The following SYT17 variants were observed in gnomAD, a reference collection of about 807,000 sequenced individuals.
SYT17 encodes the protein synaptotagmin-17.
Under a neutral mutation model 46.7 loss-of-function variants are expected in SYT17, and 22 were observed. The ratio of observed to expected loss-of-function variants is 0.47; its 90% CI spans 0.34 to 0.67. The LOEUF (loss-of-function observed/expected upper bound fraction) is 0.67. SYT17 is among the 30% of genes least tolerant of loss of function. The probability of loss-of-function intolerance (pLI) is 0.01; values close to 1 mark genes in which losing one functional copy is unlikely to be tolerated. For synonymous variants in SYT17, 251 were observed against 248.4 expected, an observed-to-expected ratio of 1.01 and a Z score of -0.10; for missense variants, 519 against 612.8, an observed-to-expected ratio of 0.85 and a Z score of 1.62.
At chr16:19,248,109 A>C (rs1057358296) in intron 7 of SYT17, among the ~76,000 whole-genome samples, 1 of 152,230 alleles carries the variant, frequency 6.6e-6, no homozygotes, top group Admixed American at 6.5e-5. Context: ...ATAGCAAAGA[A>C]GCATATGAAA....
At chr16:19,265,881 G>A (rs1466419817) in intron 7 of SYT17, among the ~76,000 whole-genome samples, 2 of 152,168 alleles carry the variant, frequency 1.3e-5, no homozygotes, top group Non-Finnish European at 2.9e-5. Flanking sequence ...CACAACAAGG[G>A]GTGGAAGAAG....
rs1253150098 is a variant in SYT17, at chr16:19,168,664, A to C, written c.15+3A>C. The C allele has an allele frequency of 6.6e-7, 1 of 1,523,636 alleles. No homozygotes were observed. Among genetic ancestry groups the C allele is most frequent in the Admixed American group, 2.0e-5 (1 of 48,922 alleles). The allele number at this position is 1,523,636 out of a possible 1,614,324, so 94.4% of individuals were successfully genotyped here. A position where few individuals can be genotyped will look rare whatever the true frequency, so the allele number is the denominator to read the frequency against. ...GGGCGAAAATGGCGTACATCCAGGT[A>C]GGGCTGAGGCTGGGGGCAAGGTCCG... is the stretch of plus-strand genomic sequence containing the variant. On this transcript the variant is annotated splice_donor_region_variant and intron_variant, in intron 1 of 7. Coordinates refer to ENST00000355377, the MANE Select transcript of SYT17 (RefSeq NM_016524.4). This position sits in a 1 kb window ranked among gnomAD's most constrained non-coding sequence, Gnocchi z 6.9.
intron 5 of SYT17, chr16:19,211,587 A>G: frequency 1.5e-6 from 1 of 647,552 alleles, no homozygotes; most frequent in East Asian, 2.8e-5. Flanking sequence ...TTCCCAGGGA[A>G]TAGCAAGTTC....
At chr16:19,262,512 G>C (rs767466107) in intron 7 of SYT17, among the ~76,000 whole-genome samples, 1 of 152,204 alleles carries the variant, frequency 6.6e-6, no homozygotes, top group Non-Finnish European at 1.5e-5. Flanking sequence ...AAAGGGGAAA[G>C]AGTCCTCTTT....
intron 5 of SYT17, among the ~76,000 whole-genome samples, chr16:19,219,776 T>C (rs999738693): frequency 1.3e-5 from 2 of 152,374 alleles, no homozygotes; most frequent in East Asian, 1.9e-4. Flanking sequence ...CAGGAGTGTA[T>C]GTTCCATAAA....
Position 19,267,963 on chromosome 16 carries a change from T to TGTGTGTGC in SYT17, c.*894_*895insCGTGTGTG, listed in dbSNP as rs1420698423. On this transcript the variant is annotated 3_prime_UTR_variant, in exon 8 of 8. Coordinates refer to ENST00000355377, the MANE Select transcript of SYT17 (RefSeq NM_016524.4). Reference sequence around the variant, plus strand: ...GTGTGTGTGTGTGTGTGTGTGTGTGTGTGTGTGTGTAAAGTAAATAGGATA... The same window carrying TGTGTGTGC: ...GTGTGTGTGTGTGTGTGTGTGTGTGTGTGTGTGCGTGTGTGTGTAAAGTAAATAGGATA... 5 of 105,702 alleles carry TGTGTGTGC rather than the reference T, an allele frequency of 4.7e-5. No individual in the cohort carries two copies. The highest frequency in any genetic ancestry group is 1.6e-4 in the African/African-American group (5 of 32,186). The allele number at this position is 105,702 out of a possible 1,614,324, so 6.5% of individuals were successfully genotyped here.
At chr16:19,258,673 G>C (rs1968753424) in intron 7 of SYT17, among the ~76,000 whole-genome samples, 1 of 151,988 alleles carries the variant, frequency 6.6e-6, no homozygotes, top group Admixed American at 6.6e-5. Context: ...AACAGAAACA[G>C]GGGAGATGGA....
At chr16:19,181,320 CCTT>C (rs1403064500) in intron 4 of SYT17, among the ~76,000 whole-genome samples, 2 of 152,190 alleles carry the variant, frequency 1.3e-5, no homozygotes, top group Non-Finnish European at 2.9e-5. Context: ...CTCCCAACCT[CCTT>C]CTGCTCCACA....
chr16:19,170,223 C>T (rs8054088), intron 1 of SYT17: 54,525 of 151,794 alleles, frequency 0.36, 10,183 homozygotes, highest in Middle Eastern at 0.4. Flanking sequence ...AATGAGTGGG[C>T]GTGGCTGTGT....
intron 7 of SYT17, among the ~76,000 whole-genome samples, chr16:19,239,659 C>A (rs1966944849): frequency 6.6e-6 from 1 of 152,228 alleles, no homozygotes; most frequent in South Asian, 2.1e-4. Context: ...CATAGAAACG[C>A]TATGACATAG....
chr16:19,177,731 TGGCTG>T (rs1964370732), intron 3 of SYT17, among the ~76,000 whole-genome samples: 3 of 152,198 alleles, frequency 2.0e-5, no homozygotes, highest in South Asian at 2.1e-4. Flanking sequence ...CAACTTTTCT[TGGCTG>T]GGCTGGGCTG....
intron 5 of SYT17, among the ~76,000 whole-genome samples, chr16:19,199,724 A>T (rs1442983765): frequency 6.7e-6 from 1 of 150,060 alleles, no homozygotes; most frequent in African/African-American, 2.5e-5. Flanking sequence ...GTGACAGAGC[A>T]AGACCCTGTC....
At chr16:19,191,697 C>G (rs923237582) in intron 5 of SYT17, among the ~76,000 whole-genome samples, 3 of 152,298 alleles carry the variant, frequency 2.0e-5, no homozygotes, top group South Asian at 2.1e-4. Flanking sequence ...AATATAATTA[C>G]AGCAGTGTTA....
At chr16:19,231,138 T>G (rs1966665806) in intron 7 of SYT17, among the ~76,000 whole-genome samples, 1 of 152,206 alleles carries the variant, frequency 6.6e-6, no homozygotes, top group Non-Finnish European at 1.5e-5. Flanking sequence ...AGAAAGGCCA[T>G]CTGTCTTCTT....
chr16:19,241,610 C>T (rs1967130085), intron 7 of SYT17, among the ~76,000 whole-genome samples: 1 of 152,194 alleles, frequency 6.6e-6, no homozygotes, highest in African/African-American at 2.4e-5. Flanking sequence ...GCATTGCTCT[C>T]CCACTGGTGG....
In SYT17 at chr16:19,267,157, C is replaced by A; in HGVS notation, c.*81C>A. On this transcript the variant is annotated 3_prime_UTR_variant, in exon 8 of 8. Transcript: ENST00000355377. ...AAAATGTGTCACATACTATTACATC[C>A]ACACCTGCATACACACTCGCAACAT... is the stretch of plus-strand genomic sequence containing the variant. 7.8e-7 allele frequency: 1 copy of A among 1,276,252 alleles called. No homozygotes were observed. The highest frequency in any genetic ancestry group is 1.1e-6 in the Non-Finnish European group (1 of 947,894). 79.1% of individuals were successfully genotyped at this position (1,276,252 alleles called of 1,614,324 possible). A position where few individuals can be genotyped will look rare whatever the true frequency, so the allele number is the denominator to read the frequency against.
rs764083934 is a variant in SYT17 at position 19,180,402 on chromosome 16, G to A, written c.194G>A (p.Arg65Gln). ...AQTPPWLMAS[R>Q]SSDKDGDSVH... ...TTCCCTTCCTATAGGATGGCCAGCC[G>A]GAGCAGTGACAAGGATGGTGACTCT... Residue 65 changes from arginine to glutamine, a missense_variant, in exon 4 of 8, where the codon CGG becomes CAG. Arg to Gln is a conservative substitution (Grantham distance 43, BLOSUM62 1). Transcript: ENST00000355377. 38 of 1,614,020 alleles carry A rather than the reference G, an allele frequency of 2.4e-5. No individual in the cohort carries two copies. The highest frequency in any genetic ancestry group is 6.7e-5 in the East Asian group (3 of 44,892).
At chr16:19,223,347 A>C (rs1278722723) in intron 6 of SYT17, among the ~76,000 whole-genome samples, 182 bp downstream of exon 6, 1 of 152,198 alleles carries the variant, frequency 6.6e-6, no homozygotes, top group East Asian at 1.9e-4. Flanking sequence ...GGTTGTGATA[A>C]CTACTGGAAA....
intron 5 of SYT17, among the ~76,000 whole-genome samples, chr16:19,222,747 T>C (rs1966367563): frequency 6.6e-6 from 1 of 152,228 alleles, no homozygotes; most frequent in African/African-American, 2.4e-5. Flanking sequence ...TCATTAGTCA[T>C]TACATGTAAA....
Sources: allele counts gnomAD v4.1 joint callset (sites outside exome capture counted in the v4.1 genomes callset), GRCh38; gene constraint gnomAD v4.1.1; non-coding constraint Gnocchi (gnomAD v3.1); transcripts MANE v1.5; gene names NCBI Gene and HGNC (gene_info 2026-07-23, HGNC 2026-07-21).